ATP13A4: variants seen among roughly 807,000 people sequenced by gnomAD.
The protein encoded by ATP13A4 is probable cation-transporting ATPase 13A4.
A neutral mutation model predicts 142.5 loss-of-function variants in ATP13A4; 114 were observed. The observed-to-expected ratio is 0.80, with a 90% CI of 0.69 to 0.93. The LOEUF is 0.93. ATP13A4 is among the 40% of genes least tolerant of loss of function. The pLI, the probability that ATP13A4 is intolerant of heterozygous loss-of-function variation, is 0.00. For missense variants in ATP13A4, 1,392 were observed against 1,454.0 expected (o/e 0.96, Z 0.69); for synonymous variants, 488 against 514.8 (o/e 0.95, Z 0.70).
rs1199922415 is a variant in ATP13A4, at chr3:193,588,016, C to T, written n.91+5005G>A. Among the ~76,000 whole-genome samples the T allele has an allele frequency of 2.0e-5, 3 of 151,874 alleles. No individual in the cohort carries two copies. In the East Asian group the frequency reaches 5.8e-4, roughly 29 times the overall value. On this transcript the variant is annotated intron_variant and non_coding_transcript_variant, in intron 1 of 3. Coordinates refer to the ATP13A4 transcript ENST00000489140. ...GGCATGGTGATATATGTCTGCCGTC[C>T]CATCTACTTAAGAGGCTGAAAAGGG... is the stretch of plus-strand genomic sequence containing the variant.
At position 193,533,098 on chromosome 3, in the gene ATP13A4, G is replaced by T. The variant is rs1312214287; in HGVS notation, c.61-18227C>A. On this transcript the variant is annotated intron_variant, in intron 1 of 29. Transcript: ENST00000342695. The stretch of plus-strand genomic sequence containing the variant: ...AAAATAAAGAAATATTTTTAAATAA[G>T]GTAAAAAAGAAAAGTATTTTTTGGC... Among the ~76,000 whole-genome samples the T allele has an allele frequency of 2.0e-5, 3 of 151,996 alleles. 1 individual carries two copies. The highest frequency in any genetic ancestry group is 7.2e-5 in the African/African-American group (3 of 41,422).
At chr3:193,431,578 T>A (rs907975595) in intron 25 of ATP13A4, among the ~76,000 whole-genome samples, 2 of 151,638 alleles carry the variant, frequency 1.3e-5, no homozygotes, top group Admixed American at 1.3e-4. Context: ...TTCTTTTCAG[T>A]AAAGTTACTT....
At chr3:193,458,031 G>A (rs1717738020) in intron 14 of ATP13A4, among the ~76,000 whole-genome samples, 1 of 152,198 alleles carries the variant, frequency 6.6e-6, no homozygotes, top group South Asian at 2.1e-4. Context: ...TGGCTGACAA[G>A]GTCCCAGAGA....
chr3:193,525,136 A>T (rs575461708), intron 1 of ATP13A4, among the ~76,000 whole-genome samples: 1 of 152,338 alleles, frequency 6.6e-6, no homozygotes, highest in South Asian at 2.1e-4. Context: ...GAATGGCTCA[A>T]ATTTTATTGT....
chr3:193,517,473 T>G (rs916384815), intron 1 of ATP13A4, among the ~76,000 whole-genome samples: 1 of 152,090 alleles, frequency 6.6e-6, no homozygotes, highest in South Asian at 2.1e-4. Context: ...TACAACCAAC[T>G]GTTTTGTTTT....
At chr3:193,481,500 C>T (rs1719291533) in intron 8 of ATP13A4, among the ~76,000 whole-genome samples, 1 of 152,174 alleles carries the variant, frequency 6.6e-6, no homozygotes, top group Admixed American at 6.5e-5. Context: ...TGGCTAAACA[C>T]TGGTAACCCA....
At chr3:193,473,099 G>A (rs367590884) in intron 8 of ATP13A4, among the ~76,000 whole-genome samples, 4 of 152,328 alleles carry the variant, frequency 2.6e-5, no homozygotes, top group East Asian at 3.9e-4. Flanking sequence ...CTTAGAGAGA[G>A]GACTGAGTAC....
At chr3:193,484,616 T>C (rs945854609) in intron 7 of ATP13A4, among the ~76,000 whole-genome samples, 6 of 152,182 alleles carry the variant, frequency 3.9e-5, no homozygotes, top group African/African-American at 1.4e-4. Flanking sequence ...TTCAAATTAT[T>C]TGCGAATCTG....
intron 6 of ATP13A4, among the ~76,000 whole-genome samples, chr3:193,490,383 G>A (rs1203229630): frequency 1.3e-5 from 2 of 152,142 alleles, no homozygotes; most frequent in African/African-American, 4.8e-5. Context: ...ATACTTTCTA[G>A]TCTCTTCTTC....
intron 25 of ATP13A4, among the ~76,000 whole-genome samples, chr3:193,433,231 G>T (rs1368031930): frequency 1.3e-5 from 2 of 152,158 alleles, no homozygotes; most frequent in East Asian, 3.8e-4. Flanking sequence ...GCTGATAGTA[G>T]CAGAGGCTAT....
chr3:193,456,321 C>T (rs557304576), intron 16 of ATP13A4, among the ~76,000 whole-genome samples: 14 of 152,174 alleles, frequency 9.2e-5, no homozygotes, highest in Admixed American at 2.0e-4. Flanking sequence ...CTATGGAAAG[C>T]GTTTGGTGGT....
At chr3:193,408,704 G>A (rs1334930450) in intron 28 of ATP13A4, among the ~76,000 whole-genome samples, 2 of 152,170 alleles carry the variant, frequency 1.3e-5, no homozygotes, top group East Asian at 1.9e-4. Flanking sequence ...CCTACGAGAC[G>A]TAGAAACTCC....
chr3:193,573,073 T>C (rs904685519), intron 2 of ATP13A4, among the ~76,000 whole-genome samples: 1 of 143,956 alleles, frequency 6.9e-6, no homozygotes, highest in Admixed American at 6.9e-5. Flanking sequence ...AGGGCTGAGG[T>C]GGGAGGATGG....
chr3:193,437,438 T>A lies in ATP13A4; in HGVS notation c.2672+1037A>T, dbSNP rs1056054337. Among the ~76,000 whole-genome samples the A allele has an allele frequency of 1.1e-4, 17 of 152,308 alleles. 1 individual carries two copies. The highest frequency in any genetic ancestry group is 1.1e-3 in the Admixed American group (17 of 15,298). ...TCAAATGCATGAATAAATAAAAAATTGGGAGGACCTAGCCAAATTATTATT... is the reference window on the plus strand; with the variant it reads ...TCAAATGCATGAATAAATAAAAAATAGGGAGGACCTAGCCAAATTATTATT... On this transcript the variant is annotated intron_variant, in intron 23 of 29. Coordinates refer to ENST00000342695, the MANE Select transcript of ATP13A4 (RefSeq NM_032279.4).
At position 193,549,916 on chromosome 3, in the gene ATP13A4, T is replaced by C. The variant is rs190185336; in HGVS notation, c.60+4824A>G. On this transcript the variant is annotated intron_variant, in intron 1 of 29. Coordinates refer to ENST00000342695, the MANE Select transcript of ATP13A4 (RefSeq NM_032279.4). ...TTTAAATCAATGGAATAATCTTGTT[T>C]TGCCATGATGCAAACAAACGGATGA... is the stretch of plus-strand genomic sequence containing the variant. Among the ~76,000 whole-genome samples the C allele has an allele frequency of 2.0e-5, 3 of 152,360 alleles. No individual in the cohort carries two copies. In the East Asian group the frequency reaches 5.8e-4, roughly 29 times the overall value.
At position 193,402,452 on chromosome 3, in the gene ATP13A4, A is replaced by G; in HGVS notation, c.*200T>C. ...AATGCCTCTAATACCTTCAGAAGCC[A>G]AGAGGAAAGCACTCTTCTGGGTCAA... On this transcript the variant is annotated 3_prime_UTR_variant, in exon 30 of 30. Transcript: ENST00000342695. 1.8e-6 allele frequency: 1 copy of G among 565,214 alleles called. No individual in the cohort carries two copies. Among genetic ancestry groups the G allele is most frequent in the Non-Finnish European group, 3.2e-6 (1 of 317,000 alleles). The allele number at this position is 565,214 out of a possible 1,614,324, so 35.0% of individuals were successfully genotyped here. A position where few individuals can be genotyped will look rare whatever the true frequency, so the allele number is the denominator to read the frequency against.
intron 1 of ATP13A4, among the ~76,000 whole-genome samples, chr3:193,582,521 A>C (rs1724571098): frequency 7.2e-6 from 1 of 138,840 alleles, no homozygotes; most frequent in South Asian, 2.1e-4. Context: ...TTAATAATAT[A>C]TGTACATTAT....
chr3:193,570,903 A>G (rs1412160781), intron 2 of ATP13A4, among the ~76,000 whole-genome samples: 1 of 152,246 alleles, frequency 6.6e-6, no homozygotes, highest in Non-Finnish European at 1.5e-5. Context: ...GTGTATATAT[A>G]AATTCCCAAT....
rs1390994685 is a variant in ATP13A4, at chr3:193,401,151, C to A, written c.*1501G>T. On this transcript the variant is annotated 3_prime_UTR_variant, in exon 30 of 30. Transcript: ENST00000342695. ...AAATGCTATTGATAAGTTCCAAAGC[C>A]AGCCTGGGCCAGGACACTTATCCCC... is the stretch of plus-strand genomic sequence containing the variant. Among the ~76,000 whole-genome samples the A allele has an allele frequency of 6.6e-6, 1 of 152,114 alleles. No individual in the cohort carries two copies. Among genetic ancestry groups the A allele is most frequent in the Non-Finnish European group, 1.5e-5 (1 of 68,016 alleles).
Sources: gnomAD v4.1 joint callset for allele counts (sites outside exome capture counted in the v4.1 genomes callset) on GRCh38, gnomAD v4.1.1 for gene constraint, MANE v1.5 for transcripts, NCBI Gene and HGNC (gene_info 2026-07-23, HGNC 2026-07-21) for gene names.